The following PKD1 variants were observed in gnomAD, a reference collection of about 807,000 sequenced individuals.
The protein encoded by PKD1 is polycystin 1, transient receptor potential channel interacting.
PKD1 carries 81 observed loss-of-function variants against 361.7 expected under a neutral mutation model. The ratio of observed to expected loss-of-function variants is 0.22; its 90% CI spans 0.19 to 0.27. The LOEUF (loss-of-function observed/expected upper bound fraction) is 0.27. PKD1 is among the 10% of genes least tolerant of loss of function. The pLI, the probability that PKD1 is intolerant of heterozygous loss-of-function variation, is 1.00. For synonymous variants in PKD1, 3,615 were observed against 2,818.3 expected, an observed-to-expected ratio of 1.28 and a Z score of -8.95; for missense variants, 6,399 against 6,118.3, an observed-to-expected ratio of 1.05 and a Z score of -1.53.
intron 39 of PKD1, 124 bp downstream of exon 39, chr16:2,092,356 C>T (rs746076737): frequency 3.1e-6 from 3 of 971,876 alleles, no homozygotes; most frequent in East Asian, 2.6e-5. Flanking sequence ...GAGAAGGAAA[C>T]GGCGGTGTTA....
intron 39 of PKD1, 88 bp downstream of exon 39, chr16:2,092,392 G>C (rs1043750999): frequency 4.0e-5 from 41 of 1,028,584 alleles, no homozygotes; most frequent in Middle Eastern, 5.5e-4. Flanking sequence ...CACAGCTAGG[G>C]AGCAGGGCTG....
chr16:2,132,984 G>A (rs1296754099), intron 1 of PKD1: 2 of 151,408 alleles, frequency 1.3e-5, no homozygotes, highest in Admixed American at 6.6e-5. Flanking sequence ...GGGAGGCTGA[G>A]GCAGGAAAAA....
chr16:2,108,186 G>T, intron 15 of PKD1, 66 bp downstream of exon 15: 1 of 1,508,792 alleles, frequency 6.6e-7, no homozygotes, highest in South Asian at 1.2e-5. Flanking sequence ...GGCAAGCTGG[G>T]TGTTCTCTGG....
intron 34 of PKD1, among the ~76,000 whole-genome samples, chr16:2,096,073 A>G (rs921602518): frequency 5.3e-5 from 8 of 152,258 alleles, no homozygotes; most frequent in African/African-American, 9.6e-5. Context: ...ACTCAAAGGA[A>G]TAACACACAA....
In PKD1 at chr16:2,103,473, G is replaced by C; in HGVS notation, c.8584C>G (p.Pro2862Ala). The C allele has an allele frequency of 1.2e-6, 2 of 1,601,210 alleles. No homozygotes were observed. Among genetic ancestry groups the C allele is most frequent in the Non-Finnish European group, 1.7e-6 (2 of 1,179,662 alleles). ...AFQTQAGAQIPIERLASERAI... is the reference protein window; with the variant it reads ...AFQTQAGAQIAIERLASERAI... ...CGCTCTGAGGCCAGCCGCTCGATGG[G>C]GATCTGGGCGCCGGCCTGTGTCTGG... is the stretch of plus-strand genomic sequence containing the variant. The change falls in exon 23 of 46, where the codon CCC becomes GCC. Residue 2862 changes from proline (P) to alanine (A), a missense_variant. Physicochemically the swap from Pro to Ala is conservative, Grantham distance 27. Coordinates refer to ENST00000262304, the MANE Select transcript of PKD1 (RefSeq NM_001009944.3).
rs1442124648 is a variant in PKD1 at position 2,113,279 on chromosome 16, A to T, written c.2867T>A (p.Val956Glu). 2 of 1,592,720 alleles carry T rather than the reference A, an allele frequency of 1.3e-6. No individual in the cohort carries two copies. Among genetic ancestry groups the T allele is most frequent in the Admixed American group, 3.3e-5 (2 of 59,872 alleles). ...GACCATGTCCGAGCCGGCCTCCACC[A>T]CGGGGCTGTACCTCTGCGGGGGGAA... Reference protein sequence around the residue: ...LQGVLVRYSPVVEAGSDMVFR... With the variant: ...LQGVLVRYSPEVEAGSDMVFR... Residue 956 changes from valine to glutamate, a missense_variant, in exon 12 of 46, where the codon GTG becomes GAG. Coordinates refer to ENST00000262304, the MANE Select transcript of PKD1 (RefSeq NM_001009944.3).
chr16:2,102,395 G>A lies in PKD1; in HGVS notation c.9187C>T (p.Arg3063Cys), dbSNP rs145906459. The change falls in exon 25 of 46, where the codon CGC becomes TGC. Residue 3063 changes from arginine (R) to cysteine (C), a missense_variant. Transcript: ENST00000262304. ...GGGTCACTCACAGGAAACACAAAGCGGACATGGCTTGGGGGCACGAAGAGG... is the reference window on the plus strand; with the variant it reads ...GGGTCACTCACAGGAAACACAAAGCAGACATGGCTTGGGGGCACGAAGAGG... ...ASLFVPPSHVRFVFPEPTADV... is the reference protein window; with the variant it reads ...ASLFVPPSHVCFVFPEPTADV... 3.6e-4 allele frequency: 555 copies of A among 1,558,684 alleles called. No individual in the cohort carries two copies. The highest frequency in any genetic ancestry group is 4.5e-4 in the Non-Finnish European group (522 of 1,152,180).
rs759017627 is a variant in PKD1, at chr16:2,089,882, G to A, written c.12757C>T (p.Arg4253Trp). ...CCACGGGAAGATCCGGCGGGCGCCC[G>A]GCTGCTCCTGCGGCCTTGCAGGCTG... is the stretch of plus-strand genomic sequence containing the variant. Reference protein sequence around the residue: ...LHSLQGRRSSRAPAGSSRGPS... With the variant: ...LHSLQGRRSSWAPAGSSRGPS... The change falls in exon 46 of 46, where the codon CGG (arginine) becomes TGG (tryptophan). Residue 4253 changes from arginine to tryptophan, a missense_variant. Transcript: ENST00000262304. 2.6e-5 allele frequency: 42 copies of A among 1,610,402 alleles called. No individual in the cohort carries two copies. The highest frequency in any genetic ancestry group is 1.9e-4 in the South Asian group (17 of 90,690).
At chr16:2,129,802 T>C (rs1223853127) in intron 1 of PKD1, among the ~76,000 whole-genome samples, 1 of 151,814 alleles carries the variant, frequency 6.6e-6, no homozygotes, top group African/African-American at 2.4e-5. Flanking sequence ...CCACCCACCC[T>C]GGCCTCCCAA....
Position 2,110,084 on chromosome 16 carries a change from C to A in PKD1, c.5083G>T (p.Val1695Leu). Residue 1695 changes from valine to leucine, a missense_variant, in exon 15 of 46, where the codon GTG (valine) becomes TTG (leucine). By Grantham distance (32) the Val-to-Leu change is conservative. Coordinates refer to ENST00000262304, the MANE Select transcript of PKD1 (RefSeq NM_001009944.3). ...AGCATGTTGGTGGCCCGCAGCTGCA[C>A]ATGGTAGGTGCCGGCCTCGAGCACG... ...LTVLEAGTYHVQLRATNMLGS... is the reference protein window; with the variant it reads ...LTVLEAGTYHLQLRATNMLGS... 5 of 1,609,956 alleles carry A rather than the reference C, an allele frequency of 3.1e-6. No homozygotes were observed. Among genetic ancestry groups the A allele is most frequent in the Non-Finnish European group, 4.2e-6 (5 of 1,179,476 alleles).
At position 2,100,650 on chromosome 16, in the gene PKD1, C is replaced by G. The variant is rs187148754; in HGVS notation, c.9398-84G>C. On this transcript the variant is annotated intron_variant, in intron 26 of 45. Coordinates refer to ENST00000262304, the MANE Select transcript of PKD1 (RefSeq NM_001009944.3). This position sits in a 1 kb window ranked among gnomAD's most constrained non-coding sequence, Gnocchi z 4.4. Reference sequence around the variant, plus strand: ...CCAGGCAAGTCATCTCAGCTTTGGCCTGTGCGCACTCAAGGAGCCACACAG... The same window carrying G: ...CCAGGCAAGTCATCTCAGCTTTGGCGTGTGCGCACTCAAGGAGCCACACAG... 375 of 1,234,318 alleles carry G rather than the reference C, an allele frequency of 3.0e-4. No homozygotes were observed. The African/African-American group carries it at 4.9e-3, about 16-fold the overall frequency. The allele number at this position is 1,234,318 out of a possible 1,614,324, so 76.5% of individuals were successfully genotyped here. A position where few individuals can be genotyped will look rare whatever the true frequency, so the allele number is the denominator to read the frequency against.
At chr16:2,090,624 G>A (rs773200714) in intron 44 of PKD1, 34 bp from the exon 45 acceptor site, 8 of 1,608,586 alleles carry the variant, frequency 5.0e-6, no homozygotes, top group African/African-American at 2.7e-5. Context: ...AGGGCGTACA[G>A]CTGAGCTGAG....
chr16:2,111,291 G>T lies in PKD1; in HGVS notation c.3876C>A (p.Phe1292Leu), dbSNP rs569009244. ...HLARSLHVLV[F>L]VLEVLRVEPA... The stretch of plus-strand genomic sequence containing the variant: ...GTTCAACGCGCAGCACCTCCAGGAC[G>T]AAGACCAGCACGTGCAGGCTCCGGG... The change falls in exon 15 of 46, where the codon TTC becomes TTA. Residue 1292 changes from phenylalanine (F) to leucine (L), a missense_variant. Coordinates refer to ENST00000262304, the MANE Select transcript of PKD1 (RefSeq NM_001009944.3). 3.7e-5 allele frequency: 60 copies of T among 1,609,446 alleles called. No homozygotes were observed. In the East Asian group the frequency reaches 1.3e-3, roughly 36 times the overall value.
In PKD1 at chr16:2,103,905, T is replaced by C; in HGVS notation, c.8162-10A>G. 4 of 1,336,720 alleles carry C rather than the reference T, an allele frequency of 3.0e-6. No homozygotes were observed. Among genetic ancestry groups the C allele is most frequent in the East Asian group, 8.9e-5 (2 of 22,468 alleles). The allele number at this position is 1,336,720 out of a possible 1,614,324, so 82.8% of individuals were successfully genotyped here. ...AGGTGGATGAGGTCTCCTGCAGACA[T>C]GCGTGAGGTCAGTGCAGAGACAGGG... On this transcript the variant is annotated splice_polypyrimidine_tract_variant and intron_variant, in intron 22 of 45. Coordinates refer to ENST00000262304, the MANE Select transcript of PKD1 (RefSeq NM_001009944.3).
At chr16:2,122,569 T>C (rs1000666937) in intron 1 of PKD1, among the ~76,000 whole-genome samples, 2 of 151,966 alleles carry the variant, frequency 1.3e-5, no homozygotes, top group Non-Finnish European at 2.9e-5. Flanking sequence ...TGGGACAGGG[T>C]GGTGGCTGGG....
In PKD1 at chr16:2,103,713, C is replaced by A; in HGVS notation, c.8344G>T (p.Val2782Leu). 1.2e-6 allele frequency: 2 copies of A among 1,609,918 alleles called. No individual in the cohort carries two copies. The highest frequency in any genetic ancestry group is 1.7e-6 in the Non-Finnish European group (2 of 1,179,534). ...GGGTCCGAGCGCTTGCCCTGGGCCA[C>A]GATCTCCTCGCCCGCCAGCGTCAGG... ...EPLTLAGEEI[V>L]AQGKRSDPRS... The change falls in exon 23 of 46, where the codon GTG (valine) becomes TTG (leucine). Residue 2782 changes from valine (V) to leucine (L), a missense_variant. Transcript: ENST00000262304.
At chr16:2,091,393 G>C (rs1338826803) in intron 42 of PKD1, 30 bp downstream of exon 42, 2 of 1,097,910 alleles carry the variant, frequency 1.8e-6, no homozygotes, top group African/African-American at 3.4e-5. Context: ...GCCGGTGGGA[G>C]GCGCGGGGTC....
chr16:2,104,380 G>A (rs1476274209), intron 22 of PKD1, 118 bp downstream of exon 22: 6 of 592,358 alleles, frequency 1.0e-5, no homozygotes, highest in Non-Finnish European at 1.5e-5. Context: ...GGGAATTGGG[G>A]GGAGGGGAGG....
rs2092567722 is a variant in PKD1, at chr16:2,113,298, G to A, written c.2854-6C>T. ...TCCACCACGGGGCTGTACCTCTGCG[G>A]GGGGAATGGTGTCAGCCTGGGCTCT... On this transcript the variant is annotated splice_region_variant and splice_polypyrimidine_tract_variant and intron_variant, in intron 11 of 45. Coordinates refer to ENST00000262304, the MANE Select transcript of PKD1 (RefSeq NM_001009944.3). 5.0e-6 allele frequency: 8 copies of A among 1,595,326 alleles called. No individual in the cohort carries two copies. The highest frequency in any genetic ancestry group is 2.2e-5 in the East Asian group (1 of 44,876).
Sources: allele counts gnomAD v4.1 joint callset (sites outside exome capture counted in the v4.1 genomes callset), GRCh38; gene constraint gnomAD v4.1.1; non-coding constraint Gnocchi (gnomAD v3.1); transcripts MANE v1.5; gene names NCBI Gene and HGNC (gene_info 2026-07-23, HGNC 2026-07-21).